CSGALNACT1: variants seen among roughly 807,000 people sequenced by gnomAD.
The protein encoded by CSGALNACT1 is beta4GalNAcT-1.
Under a neutral mutation model 51.0 loss-of-function variants are expected in CSGALNACT1, and 52 were observed. The observed-to-expected ratio is 1.02, with a 90% CI of 0.82 to 1.29. The LOEUF is 1.29. CSGALNACT1 is among the 50% of genes most tolerant of loss of function. The pLI is 0.00. For missense variants in CSGALNACT1, 935 were observed against 679.2 expected, an observed-to-expected ratio of 1.38 and a Z score of -4.19; for synonymous variants, 341 against 254.4, an observed-to-expected ratio of 1.34 and a Z score of -3.24.
chr8:19,468,967 C>G (rs1337273815), intron 4 of CSGALNACT1, among the ~76,000 whole-genome samples: 1 of 152,248 alleles, frequency 6.6e-6, no homozygotes, highest in East Asian at 1.9e-4. Flanking sequence ...GCAAGGGTCA[C>G]TGAGAAGTCC....
intron 3 of CSGALNACT1, among the ~76,000 whole-genome samples, chr8:19,534,013 G>A (rs1183574780): frequency 6.6e-6 from 1 of 152,126 alleles, no homozygotes; most frequent in East Asian, 1.9e-4. Context: ...GAGGTACTCA[G>A]ATGCAGAATT....
intron 1 of CSGALNACT1, among the ~76,000 whole-genome samples, chr8:19,755,356 A>C (rs1049636117): frequency 6.6e-6 from 1 of 151,708 alleles, no homozygotes; most frequent in Non-Finnish European, 1.5e-5. Context: ...TCAATAGATA[A>C]ATGAATAGAA....
rs1381298638 is a variant in CSGALNACT1, at chr8:19,476,172, T to C, written c.635-17530A>G. On this transcript the variant is annotated intron_variant, in intron 4 of 9. Transcript: ENST00000454498. ...TTTTTCAGATGATAGTTTAAGAAAT[T>C]TTTTAAAACTTGGCCTATAGGAATA... Among the ~76,000 whole-genome samples, 4 of 152,172 alleles carry C rather than the reference T, an allele frequency of 2.6e-5. No individual in the cohort carries two copies. The East Asian group carries it at 7.7e-4, about 29-fold the overall frequency.
At chr8:19,438,778 T>A (rs1422544508) in intron 6 of CSGALNACT1, among the ~76,000 whole-genome samples, 6 of 152,220 alleles carry the variant, frequency 3.9e-5, no homozygotes, top group Admixed American at 3.9e-4. Flanking sequence ...GGGCTGTAGT[T>A]TGCTGATCTC....
intron 4 of CSGALNACT1, among the ~76,000 whole-genome samples, chr8:19,504,629 G>GT (rs1396561111): frequency 6.6e-6 from 1 of 152,210 alleles, no homozygotes; most frequent in African/African-American, 2.4e-5. Flanking sequence ...CTGACAATCT[G>GT]TATGATATAA....
intron 1 of CSGALNACT1, among the ~76,000 whole-genome samples, chr8:19,748,627 A>G (rs1172193467): frequency 1.3e-5 from 2 of 152,172 alleles, no homozygotes; most frequent in African/African-American, 4.8e-5. Flanking sequence ...CCTCAGTAAA[A>G]TAAGCATGAT....
At chr8:19,420,305 G>A in intron 7 of CSGALNACT1, 35 bp downstream of exon 6, 1 of 1,609,168 alleles carries the variant, frequency 6.2e-7, no homozygotes, top group Non-Finnish European at 8.5e-7. Flanking sequence ...AGAGGGCTGG[G>A]GGCCACCTGA....
intron 4 of CSGALNACT1, among the ~76,000 whole-genome samples, chr8:19,474,523 G>A (rs2153883256): frequency 6.6e-6 from 1 of 152,216 alleles, no homozygotes; most frequent in African/African-American, 2.4e-5. Flanking sequence ...GGAGAGATAT[G>A]CTTCGGCTGA....
intron 1 of CSGALNACT1, among the ~76,000 whole-genome samples, chr8:19,671,444 T>A (rs1015761517): frequency 5.9e-5 from 9 of 152,252 alleles, no homozygotes; most frequent in African/African-American, 1.7e-4. Context: ...AACCCACAAG[T>A]AAAATTTATA....
intron 3 of CSGALNACT1, among the ~76,000 whole-genome samples, chr8:19,533,737 G>C (rs2083224392): frequency 6.6e-6 from 1 of 152,108 alleles, no homozygotes; most frequent in Non-Finnish European, 1.5e-5. Flanking sequence ...TCAGTATGTT[G>C]AGCTCCCATA....
chr8:19,516,141 G>A (rs980002900), intron 3 of CSGALNACT1, among the ~76,000 whole-genome samples: 3 of 152,088 alleles, frequency 2.0e-5, no homozygotes, highest in African/African-American at 7.2e-5. Flanking sequence ...CAAGCACTTA[G>A]TGAGCATTTA....
intron 1 of CSGALNACT1, among the ~76,000 whole-genome samples, chr8:19,717,290 A>G (rs974529572): frequency 6.6e-6 from 1 of 152,250 alleles, no homozygotes; most frequent in African/African-American, 2.4e-5. Flanking sequence ...GACAGAGGCA[A>G]GGTGCAAACA....
At chr8:19,607,513 T>C (rs185804551) in intron 1 of CSGALNACT1, among the ~76,000 whole-genome samples, 125 of 152,330 alleles carry the variant, frequency 8.2e-4, no homozygotes, top group African/African-American at 2.9e-3. Context: ...TGCAGTGCCA[T>C]AGTTACACTC....
At chr8:19,715,774 G>A (rs750927416) in intron 1 of CSGALNACT1, among the ~76,000 whole-genome samples, 3 of 152,066 alleles carry the variant, frequency 2.0e-5, no homozygotes, top group Non-Finnish European at 4.4e-5. Context: ...GGTTTGAGTT[G>A]ATCTAACTAG....
At chr8:19,699,074 G>A (rs977842421) in intron 1 of CSGALNACT1, among the ~76,000 whole-genome samples, 1 of 151,484 alleles carries the variant, frequency 6.6e-6, no homozygotes, top group Non-Finnish European at 1.5e-5. Context: ...TTTGAGATGA[G>A]GTCTCACTAT....
chr8:19,477,071 A>G (rs911750340), intron 4 of CSGALNACT1, among the ~76,000 whole-genome samples: 1 of 152,236 alleles, frequency 6.6e-6, no homozygotes, highest in Non-Finnish European at 1.5e-5. Flanking sequence ...ACTGGAACAC[A>G]TGTAATTGAT....
At chr8:19,493,381 A>G (rs2074792453) in intron 4 of CSGALNACT1, among the ~76,000 whole-genome samples, 1 of 152,190 alleles carries the variant, frequency 6.6e-6, no homozygotes, top group Non-Finnish European at 1.5e-5. Flanking sequence ...CAGACAAGCT[A>G]ATTTTTGTAT....
Position 19,515,377 on chromosome 8 carries a change from G to A in CSGALNACT1, c.-296-9247C>T, listed in dbSNP as rs74840772. 3.9e-5 allele frequency among the ~76,000 whole-genome samples: 6 copies of A among 152,290 alleles called. No homozygotes were observed. In the East Asian group the frequency reaches 1.2e-3, roughly 29 times the overall value. ...GGTCCCCCTATCTGCAGACTCAGAG[G>A]GCGTGTTCTCCAGGGACCAGCACTG... On this transcript the variant is annotated intron_variant, in intron 3 of 9. Transcript: ENST00000454498.
intron 3 of CSGALNACT1, among the ~76,000 whole-genome samples, chr8:19,514,045 T>C (rs1171833903): frequency 6.6e-6 from 1 of 152,174 alleles, no homozygotes; most frequent in Non-Finnish European, 1.5e-5. Flanking sequence ...GCAGGTTTCT[T>C]TTTTCCATTG....
Sources: gnomAD v4.1 joint callset for allele counts (sites outside exome capture counted in the v4.1 genomes callset) on GRCh38, gnomAD v4.1.1 for gene constraint, MANE v1.5 for transcripts, NCBI Gene and HGNC (gene_info 2026-07-23, HGNC 2026-07-21) for gene names.